METTL15: variants seen among roughly 807,000 people sequenced by gnomAD.
METTL15 encodes methyltransferase 15, mitochondrial 12S rRNA N4-cytidine.
In METTL15, 34 loss-of-function variants were observed where a neutral mutation model predicts 38.3. The observed-to-expected ratio is 0.89, with a 90% confidence interval of 0.68 to 1.18. METTL15 has a LOEUF of 1.18. METTL15 is among the 50% of genes most tolerant of loss of function. The pLI is 0.00. For synonymous variants in METTL15, 162 were observed against 170.9 expected, an observed-to-expected ratio of 0.95 and a Z score of 0.41; for missense variants, 438 against 498.4, an observed-to-expected ratio of 0.88 and a Z score of 1.15.
intron 5 of METTL15, among the ~76,000 whole-genome samples, chr11:28,293,068 C>T (rs1488572732): frequency 6.6e-6 from 1 of 152,158 alleles, no homozygotes; most frequent in African/African-American, 2.4e-5. Context: ...AATTAGATCC[C>T]ATTTGTCAAT....
intron 5 of METTL15, among the ~76,000 whole-genome samples, chr11:28,371,351 A>C (rs1181664945): frequency 6.6e-6 from 1 of 152,026 alleles, no homozygotes; most frequent in Non-Finnish European, 1.5e-5. Context: ...GTATGGATTT[A>C]TATCTGGGAT....
At chr11:28,327,835 T>G in intron 6 of METTL15, 1 of 320,262 alleles carries the variant, frequency 3.1e-6, no homozygotes, top group Non-Finnish European at 5.6e-6. Context: ...AAAACACATT[T>G]ACTGAAAATA....
chr11:28,391,375 A>G (rs530797191), intron 5 of METTL15, among the ~76,000 whole-genome samples: 1 of 152,030 alleles, frequency 6.6e-6, no homozygotes, highest in Non-Finnish European at 1.5e-5. Flanking sequence ...TTTGTCATAG[A>G]TAGCTCTTAT....
intron 4 of METTL15, among the ~76,000 whole-genome samples, chr11:28,221,230 T>G (rs1165155490): frequency 1.3e-5 from 2 of 152,224 alleles, no homozygotes; most frequent in African/African-American, 2.4e-5. Context: ...TTTCACATAG[T>G]CCCATATTTC....
chr11:28,135,598 T>G (rs1849487811), intron 3 of METTL15, among the ~76,000 whole-genome samples: 1 of 152,206 alleles, frequency 6.6e-6, no homozygotes, highest in Non-Finnish European at 1.5e-5. Context: ...ACCCTTCCAG[T>G]CAAAACCTTG....
chr11:28,421,758 C>T (rs546748266), intron 5 of METTL15, among the ~76,000 whole-genome samples: 12 of 151,982 alleles, frequency 7.9e-5, no homozygotes, highest in African/African-American at 2.4e-4. Flanking sequence ...AAACAGAAAC[C>T]CTTTCCTCCA....
chr11:28,133,288 A>G (rs954879092), intron 3 of METTL15, among the ~76,000 whole-genome samples: 2 of 152,198 alleles, frequency 1.3e-5, no homozygotes, highest in African/African-American at 4.8e-5. Context: ...TTTTACTACA[A>G]TGGCAGGGAA....
chr11:28,463,498 T>G (rs1851232512), intron 6 of METTL15, among the ~76,000 whole-genome samples: 1 of 152,124 alleles, frequency 6.6e-6, no homozygotes, highest in African/African-American at 2.4e-5. Context: ...AAGTGGGACA[T>G]GCTGATAACT....
At chr11:28,417,707 G>C (rs952534319) in intron 5 of METTL15, among the ~76,000 whole-genome samples, 7 of 152,142 alleles carry the variant, frequency 4.6e-5, no homozygotes, top group African/African-American at 1.7e-4. Context: ...GATAGTATTA[G>C]CATAATGCCT....
chr11:28,247,233 G>A (rs952572769), intron 4 of METTL15, among the ~76,000 whole-genome samples: 3 of 152,036 alleles, frequency 2.0e-5, no homozygotes, highest in Non-Finnish European at 2.9e-5. Flanking sequence ...GTATAAATAT[G>A]TCCATCGTGG....
At chr11:28,119,575 T>C (rs1852122866) in intron 3 of METTL15, among the ~76,000 whole-genome samples, 2 of 152,224 alleles carry the variant, frequency 1.3e-5, no homozygotes. Flanking sequence ...ATAGTTTAAA[T>C]TTGCTAGGTT....
At chr11:28,210,201 A>G (rs1407615542) in intron 3 of METTL15, among the ~76,000 whole-genome samples, 1 of 152,022 alleles carries the variant, frequency 6.6e-6, no homozygotes, top group African/African-American at 2.4e-5. Flanking sequence ...TATATCTGGA[A>G]TGAGCCAAGC....
chr11:28,327,243 G>A (rs1256787843), intron 6 of METTL15, among the ~76,000 whole-genome samples: 1 of 152,156 alleles, frequency 6.6e-6, no homozygotes, highest in Non-Finnish European at 1.5e-5. Flanking sequence ...AAATCCATCA[G>A]ACATAATGCA....
chr11:28,287,593 G>C (rs1373973359), intron 4 of METTL15: 1 of 251,438 alleles, frequency 4.0e-6, no homozygotes, highest in Non-Finnish European at 7.9e-6. Flanking sequence ...TGATGCTCTT[G>C]AGAGCATCAG....
chr11:28,329,626 CTTTAA>C (rs1849749281), intron 6 of METTL15, among the ~76,000 whole-genome samples: 1 of 152,118 alleles, frequency 6.6e-6, no homozygotes, highest in South Asian at 2.1e-4. Flanking sequence ...TTATATAGGT[CTTTAA>C]TTTATTTCAA....
chr11:28,423,632 T>C (rs191960678), intron 5 of METTL15, among the ~76,000 whole-genome samples: 10 of 152,170 alleles, frequency 6.6e-5, no homozygotes, highest in Admixed American at 2.0e-4. Context: ...TTCTCACTTA[T>C]TTTGGGAAGC....
At chr11:28,508,866 A>G (rs769454546) in intron 6 of METTL15, among the ~76,000 whole-genome samples, 1 of 152,266 alleles carries the variant, frequency 6.6e-6, no homozygotes, top group Non-Finnish European at 1.5e-5. Context: ...TTTAGGGATA[A>G]GACCAAAGTA....
At chr11:28,419,144 T>A (rs1473544397) in intron 5 of METTL15, among the ~76,000 whole-genome samples, 2 of 152,176 alleles carry the variant, frequency 1.3e-5, no homozygotes, top group Non-Finnish European at 2.9e-5. Context: ...TGAGTGAACA[T>A]AGGCAATAGC....
intron 3 of METTL15, among the ~76,000 whole-genome samples, chr11:28,116,075 T>G (rs1481586183): frequency 6.6e-6 from 1 of 151,970 alleles, no homozygotes; most frequent in Non-Finnish European, 1.5e-5. Flanking sequence ...CATAAGATCT[T>G]TCATTATGAC....
Sources: allele counts gnomAD v4.1 joint callset (sites outside exome capture counted in the v4.1 genomes callset), GRCh38; gene constraint gnomAD v4.1.1; transcripts MANE v1.5; gene names NCBI Gene and HGNC (gene_info 2026-07-23, HGNC 2026-07-21).